FAF2: variants seen among roughly 807,000 people sequenced by gnomAD.
FAF2 encodes the protein Fas associated factor family member 2, also known as FAS-associated factor 2.
Under a neutral mutation model 62.3 loss-of-function variants are expected in FAF2, and 9 were observed. The observed-to-expected ratio is 0.14, with a 90% CI of 0.09 to 0.25. The LOEUF is 0.25. Ranked by LOEUF, FAF2 falls within the 10% of genes least tolerant of loss-of-function variation. The pLI is 1.00. For missense variants in FAF2, 368 were observed against 556.2 expected (o/e 0.66, Z 3.40); for synonymous variants, 202 against 198.0 (o/e 1.02, Z -0.17).
chr5:176,477,601 T>C (rs1399577935), intron 1 of FAF2, among the ~76,000 whole-genome samples: 2 of 152,218 alleles, frequency 1.3e-5, no homozygotes, highest in East Asian at 1.9e-4. Flanking sequence ...AACTTTTCTA[T>C]TTCAGCATTT....
intron 1 of FAF2, among the ~76,000 whole-genome samples, chr5:176,473,527 A>G (rs75037554): frequency 0.038 from 5,772 of 151,992 alleles, 369 homozygotes; most frequent in African/African-American, 0.13. Context: ...TCCGTTCTGT[A>G]CTCTTTGGAA....
At chr5:176,502,848 A>C (rs1581077327) in intron 10 of FAF2, among the ~76,000 whole-genome samples, 1 of 151,616 alleles carries the variant, frequency 6.6e-6, no homozygotes, top group East Asian at 2.0e-4. Context: ...AGGAGTTCCA[A>C]ACCAGCCTGG....
intron 3 of FAF2, among the ~76,000 whole-genome samples, chr5:176,487,339 A>G (rs1003583931): frequency 7.9e-4 from 120 of 152,076 alleles, no homozygotes; most frequent in Middle Eastern, 6.8e-3. Context: ...GTGCGCCACC[A>G]TCCTGGTTAA....
chr5:176,468,778 A>C (rs1307887445), intron 1 of FAF2, among the ~76,000 whole-genome samples: 4 of 149,514 alleles, frequency 2.7e-5, no homozygotes, highest in Non-Finnish European at 5.9e-5. Context: ...TCTAGCCCCC[A>C]AAAAAACAAA....
intron 1 of FAF2, among the ~76,000 whole-genome samples, chr5:176,450,402 G>T (rs1181475136): frequency 6.6e-6 from 1 of 152,054 alleles, no homozygotes; most frequent in Non-Finnish European, 1.5e-5. Flanking sequence ...AACTCTTCAG[G>T]GGTAAGCTAA....
intron 1 of FAF2, among the ~76,000 whole-genome samples, chr5:176,462,827 T>C (rs1354352705): frequency 6.6e-6 from 1 of 152,050 alleles, no homozygotes; most frequent in African/African-American, 2.4e-5. Flanking sequence ...ATGGCAGAAT[T>C]TGTCAGCCTA....
intron 1 of FAF2, among the ~76,000 whole-genome samples, chr5:176,475,963 A>G (rs1758681302): frequency 6.6e-6 from 1 of 152,068 alleles, no homozygotes; most frequent in Admixed American, 6.6e-5. Context: ...TTGAAGTTAA[A>G]AAACCCCAGT....
intron 1 of FAF2, among the ~76,000 whole-genome samples, chr5:176,451,882 ATATATATATATT>A (rs1758188805): frequency 8.1e-5 from 2 of 24,660 alleles, no homozygotes; most frequent in Non-Finnish European, 1.4e-4. Flanking sequence ...ACACATATAT[ATATATATATATT>A]TTTTTTTTTT....
chr5:176,466,771 A>G (rs553928009), intron 1 of FAF2, among the ~76,000 whole-genome samples: 4 of 149,008 alleles, frequency 2.7e-5, no homozygotes, highest in Middle Eastern at 3.4e-3. Flanking sequence ...CACTTCTGCA[A>G]TCTCCCGTAT....
intron 4 of FAF2, among the ~76,000 whole-genome samples, chr5:176,490,637 A>G (rs1210887658): frequency 6.6e-6 from 1 of 152,178 alleles, no homozygotes; most frequent in East Asian, 1.9e-4. Flanking sequence ...GAGGCTGTCT[A>G]CTTAATGGCT....
At chr5:176,503,791 T>C (rs1382020222) in intron 10 of FAF2, among the ~76,000 whole-genome samples, 2 of 152,194 alleles carry the variant, frequency 1.3e-5, no homozygotes, top group Non-Finnish European at 2.9e-5. Flanking sequence ...AATTTTTCTG[T>C]CCATTGCAAA....
At chr5:176,502,566 G>T (rs1339947257) in intron 10 of FAF2, among the ~76,000 whole-genome samples, 1 of 150,850 alleles carries the variant, frequency 6.6e-6, no homozygotes, top group East Asian at 2.0e-4. Flanking sequence ...GGCAACAAGT[G>T]TGAAACTCTG....
chr5:176,459,702 GGT>G (rs1366723594), intron 1 of FAF2, among the ~76,000 whole-genome samples: 1 of 152,050 alleles, frequency 6.6e-6, no homozygotes, highest in African/African-American at 2.4e-5. Flanking sequence ...TGTGGGTGTG[GGT>G]GTGGTTGTTT....
chr5:176,469,264 T>C (rs2113725419), intron 1 of FAF2, among the ~76,000 whole-genome samples: 1 of 152,010 alleles, frequency 6.6e-6, no homozygotes, highest in East Asian at 1.9e-4. Context: ...AAATAAAAAA[T>C]TGTAGAAAAA....
At chr5:176,501,559 C>G (rs1337853133) in intron 10 of FAF2, among the ~76,000 whole-genome samples, 1 of 152,154 alleles carries the variant, frequency 6.6e-6, no homozygotes, top group Non-Finnish European at 1.5e-5. Context: ...GCCAGATACT[C>G]TAGGGATCAT....
At chr5:176,497,793 A>C (rs1755523779) in intron 8 of FAF2, among the ~76,000 whole-genome samples, 1 of 152,216 alleles carries the variant, frequency 6.6e-6, no homozygotes, top group Admixed American at 6.5e-5. Flanking sequence ...AGAAAGTTAA[A>C]CAAACTTAAA....
intron 1 of FAF2, among the ~76,000 whole-genome samples, chr5:176,457,099 A>G (rs1472644842): frequency 6.6e-6 from 1 of 152,224 alleles, no homozygotes; most frequent in Non-Finnish European, 1.5e-5. Context: ...AGTAGTATAC[A>G]TTCTGATTAC....
intron 1 of FAF2, among the ~76,000 whole-genome samples, chr5:176,471,347 T>C (rs2113726738): frequency 6.6e-6 from 1 of 151,768 alleles, no homozygotes; most frequent in Non-Finnish European, 1.5e-5. Context: ...GGGTCTGGGT[T>C]AGTGATTCTC....
At position 176,479,373 on chromosome 5, in the gene FAF2, CTAAAAA is replaced by C. The variant is rs1292076829; in HGVS notation, c.132+123_132+128del. ...GTAGATTTTTTTCAGAATTATGACT[CTAAAAA>C]TAAAAGTGCAGGAAGGTAAAGAATG... On this transcript the variant is annotated intron_variant, in intron 2 of 10. Coordinates refer to ENST00000261942, the MANE Select transcript of FAF2 (RefSeq NM_014613.3). 3.7e-6 allele frequency: 3 copies of C among 814,514 alleles called. No homozygotes were observed. The East Asian group carries it at 7.6e-5, about 21-fold the overall frequency. 50.5% of individuals were successfully genotyped at this position (814,514 alleles called of 1,614,324 possible).
Sources: allele counts gnomAD v4.1 joint callset (sites outside exome capture counted in the v4.1 genomes callset), GRCh38; gene constraint gnomAD v4.1.1; transcripts MANE v1.5; gene names NCBI Gene and HGNC (gene_info 2026-07-23, HGNC 2026-07-21).